Variants in RBFOX1 observed in about 807,000 individuals in gnomAD.
RBFOX1 encodes the protein RNA binding fox-1 homolog 1.
RBFOX1 carries 8 observed loss-of-function variants against 57.7 expected under a neutral mutation model. That is an observed-to-expected ratio of 0.14 (90% CI 0.08 to 0.25). RBFOX1 has a LOEUF of 0.25. Ranked by LOEUF, RBFOX1 falls within the 10% of genes least tolerant of loss-of-function variation. The pLI, the probability that RBFOX1 is intolerant of heterozygous loss-of-function variation, is 1.00. For missense variants in RBFOX1, 611 were observed against 548.5 expected, an observed-to-expected ratio of 1.11 and a Z score of -1.14; for synonymous variants, 326 against 222.4, an observed-to-expected ratio of 1.47 and a Z score of -4.15.
intron 15 of RBFOX1, 69 bp downstream of exon 15, chr16:7,709,200 G>C: frequency 4.9e-6 from 7 of 1,435,008 alleles, no homozygotes; most frequent in Non-Finnish European, 6.8e-6. Flanking sequence ...TGGGACCTCA[G>C]TACGGGTTGA....
chr16:5,566,640 GTGTGTATATA>G (rs950767671), intron 2 of RBFOX1, among the ~76,000 whole-genome samples: 6 of 146,058 alleles, frequency 4.1e-5, no homozygotes, highest in Non-Finnish European at 5.9e-5. Context: ...ATGTGTATAT[GTGTGTATATA>G]TGTGTATATA....
rs536220969 is a variant in RBFOX1 at position 6,029,689 on chromosome 16, C to A, written c.-127+9697C>A. Among the ~76,000 whole-genome samples, 9 of 140,014 alleles carry A rather than the reference C, an allele frequency of 6.4e-5. No individual in the cohort carries two copies. The Admixed American group carries it at 7.1e-4, about 11-fold the overall frequency. The allele number at this position is 140,014 out of a possible 152,430, so 91.9% of individuals were successfully genotyped here. A position where few individuals can be genotyped will look rare whatever the true frequency, so the allele number is the denominator to read the frequency against. On this transcript the variant is annotated intron_variant, in intron 1 of 15. Coordinates refer to ENST00000550418, the MANE Select transcript of RBFOX1 (RefSeq NM_018723.4). ...TCGGAAGGCTGAGGCAGGAGAACGG[C>A]GTGAACATGGGGAGCGGAGTTTGCA...
At chr16:5,677,792 C>G (rs1412038421) in intron 3 of RBFOX1, among the ~76,000 whole-genome samples, 2 of 152,064 alleles carry the variant, frequency 1.3e-5, no homozygotes, top group African/African-American at 4.8e-5. Context: ...TGTGGAAAGG[C>G]TTGGTGGTGA....
At chr16:7,498,537 A>G (rs907964531) in intron 4 of RBFOX1, among the ~76,000 whole-genome samples, 1 of 152,214 alleles carries the variant, frequency 6.6e-6, no homozygotes, top group African/African-American at 2.4e-5. Flanking sequence ...GATATATCCC[A>G]ATATATAACC....
intron 3 of RBFOX1, among the ~76,000 whole-genome samples, chr16:6,844,504 G>T (rs2093656479): frequency 6.6e-6 from 1 of 152,112 alleles, no homozygotes; most frequent in African/African-American, 2.4e-5. Flanking sequence ...CTCTGCAGAA[G>T]ATATGACCTT....
At chr16:6,125,079 C>T (rs1461144368) in intron 1 of RBFOX1, among the ~76,000 whole-genome samples, 1 of 152,112 alleles carries the variant, frequency 6.6e-6, no homozygotes, top group African/African-American at 2.4e-5. Flanking sequence ...CAGAGTTCCC[C>T]ATCCTCCACA....
intron 2 of RBFOX1, among the ~76,000 whole-genome samples, chr16:6,605,091 T>G (rs1601283317): frequency 6.6e-6 from 1 of 152,148 alleles, no homozygotes; most frequent in East Asian, 1.9e-4. Context: ...ACACACAAAT[T>G]AGCTGGGCAC....
chr16:5,559,445 T>C (rs935330852), intron 2 of RBFOX1, among the ~76,000 whole-genome samples: 38 of 152,158 alleles, frequency 2.5e-4, no homozygotes, highest in Admixed American at 3.3e-4. Context: ...CTTATTTACA[T>C]ACTGTCAAAA....
chr16:5,608,337 C>T (rs2151234676), intron 3 of RBFOX1, among the ~76,000 whole-genome samples: 1 of 152,314 alleles, frequency 6.6e-6, no homozygotes, highest in African/African-American at 2.4e-5. Context: ...TCTGAGCAGT[C>T]ATAGCATACC....
intron 4 of RBFOX1, among the ~76,000 whole-genome samples, chr16:5,914,637 C>G (rs375280388): frequency 3.5e-4 from 54 of 152,324 alleles, no homozygotes; most frequent in African/African-American, 1.3e-3. Flanking sequence ...TGGCTCATGC[C>G]TGTAATCCCA....
intron 1 of RBFOX1, among the ~76,000 whole-genome samples, chr16:6,204,332 C>T (rs1405692459): frequency 2.0e-5 from 3 of 152,136 alleles, no homozygotes; most frequent in African/African-American, 7.2e-5. Flanking sequence ...TTGACAGCAG[C>T]TTCTGTGACC....
rs145932462 is a variant in RBFOX1 at position 5,758,140 on chromosome 16, A to G, written c.319-109163A>G. 3.2e-3 allele frequency among the ~76,000 whole-genome samples: 481 copies of G among 152,362 alleles called. 4 individuals carry two copies. Among genetic ancestry groups the G allele is most frequent in the Middle Eastern group, 0.017 (5 of 294 alleles). On this transcript the variant is annotated intron_variant, in intron 3 of 19. Coordinates refer to the RBFOX1 transcript ENST00000641259. ...CACAGAGCAAATGTTAAATTGAGCC[A>G]GGAAAGACTCCACTAATTAGCGTTT...
intron 4 of RBFOX1, among the ~76,000 whole-genome samples, chr16:7,500,548 C>T (rs1208400853): frequency 3.3e-5 from 5 of 152,042 alleles, no homozygotes; most frequent in Non-Finnish European, 4.4e-5. Flanking sequence ...CTAGACTTGT[C>T]GGGTCATATG....
At chr16:6,895,678 C>T (rs1439185532) in intron 3 of RBFOX1, among the ~76,000 whole-genome samples, 1 of 151,218 alleles carries the variant, frequency 6.6e-6, no homozygotes, top group Non-Finnish European at 1.5e-5. Flanking sequence ...GCAAAAGTAC[C>T]TGATGGAAGA....
chr16:7,194,759 C>A (rs1265924906), intron 4 of RBFOX1, among the ~76,000 whole-genome samples: 1 of 144,572 alleles, frequency 6.9e-6, no homozygotes, highest in African/African-American at 2.6e-5. Context: ...CAAACCTCAT[C>A]TCTACAAAAA....
chr16:7,575,415 A>C (rs1390297081), intron 5 of RBFOX1, among the ~76,000 whole-genome samples: 1 of 151,952 alleles, frequency 6.6e-6, no homozygotes, highest in Non-Finnish European at 1.5e-5. Flanking sequence ...TTATAGGTGT[A>C]AGCCACCGCA....
chr16:7,513,212 G>A (rs192761038), intron 4 of RBFOX1, among the ~76,000 whole-genome samples: 19 of 152,184 alleles, frequency 1.2e-4, no homozygotes, highest in African/African-American at 4.1e-4. Context: ...GCAGTGAGCC[G>A]AGAGCCTACC....
chr16:6,228,825 C>T (rs781487333), intron 1 of RBFOX1, among the ~76,000 whole-genome samples: 13 of 151,992 alleles, frequency 8.6e-5, no homozygotes, highest in South Asian at 4.2e-4. Flanking sequence ...AACACAAGGA[C>T]GTGAAATAAT....
chr16:5,641,114 A>G (rs903517411), intron 3 of RBFOX1, among the ~76,000 whole-genome samples: 22 of 151,650 alleles, frequency 1.5e-4, no homozygotes, highest in Admixed American at 1.3e-4. Context: ...ATGCATACAC[A>G]CACATGCATA....
Sources: allele counts gnomAD v4.1 joint callset (sites outside exome capture counted in the v4.1 genomes callset), GRCh38; gene constraint gnomAD v4.1.1; transcripts MANE v1.5; gene names NCBI Gene and HGNC (gene_info 2026-07-23, HGNC 2026-07-21).